Variants in PDE4D observed in about 807,000 individuals in gnomAD.
The protein encoded by PDE4D is 3',5'-cyclic-AMP phosphodiesterase 4D.
PDE4D carries 24 observed loss-of-function variants against 87.4 expected under a neutral mutation model. That is an observed-to-expected ratio of 0.27 (90% CI 0.20 to 0.39). The LOEUF is 0.39. Ranked by LOEUF, PDE4D falls within the 10% of genes least tolerant of loss-of-function variation. The pLI, the probability that PDE4D is intolerant of heterozygous loss-of-function variation, is 1.00. For missense variants in PDE4D, 714 were observed against 1,041.0 expected (o/e 0.69, Z 4.32); for synonymous variants, 384 against 383.2 (o/e 1.00, Z -0.02).
intron 6 of PDE4D, chr5:58,999,993 T>C (rs1750153120): frequency 2.6e-6 from 2 of 781,502 alleles, no homozygotes; most frequent in South Asian, 5.8e-5. Context: ...TCTGCACCAA[T>C]TGCATTCCAG....
At chr5:59,320,270 G>A (rs1008849612) in intron 1 of PDE4D, among the ~76,000 whole-genome samples, 1 of 152,068 alleles carries the variant, frequency 6.6e-6, no homozygotes, top group African/African-American at 2.4e-5. Flanking sequence ...CAGCCTAAAT[G>A]AACAGTAAAA....
At chr5:59,748,369 C>T (rs1227711013) in intron 1 of PDE4D, among the ~76,000 whole-genome samples, 1 of 152,102 alleles carries the variant, frequency 6.6e-6, no homozygotes, top group Non-Finnish European at 1.5e-5. Flanking sequence ...TATTGCAGCA[C>T]TATTCACAAT....
intron 2 of PDE4D, among the ~76,000 whole-genome samples, chr5:60,110,055 G>T (rs1458224720): frequency 6.6e-6 from 1 of 151,942 alleles, no homozygotes; most frequent in African/African-American, 2.4e-5. Flanking sequence ...TGGTTGGGTG[G>T]TTGCTTTTCT....
intron 5 of PDE4D, among the ~76,000 whole-genome samples, chr5:59,141,670 A>C (rs568757705): frequency 2.6e-5 from 4 of 152,266 alleles, no homozygotes; most frequent in African/African-American, 9.6e-5. Context: ...TGCTAAATGA[A>C]ATTTTTTAAA....
At chr5:60,130,387 G>A (rs1779463233) in intron 2 of PDE4D, among the ~76,000 whole-genome samples, 1 of 152,276 alleles carries the variant, frequency 6.6e-6, no homozygotes, top group East Asian at 1.9e-4. Flanking sequence ...CAAGTTCAAA[G>A]GACATATTTT....
chr5:59,805,657 G>T (rs749950002), intron 1 of PDE4D, among the ~76,000 whole-genome samples: 1 of 152,302 alleles, frequency 6.6e-6, no homozygotes, highest in East Asian at 1.9e-4. Context: ...CTGGAGACAG[G>T]CAATGGCACA....
intron 1 of PDE4D, among the ~76,000 whole-genome samples, chr5:59,493,355 T>C (rs1332673597): frequency 2.0e-5 from 3 of 152,172 alleles, no homozygotes; most frequent in African/African-American, 7.2e-5. Flanking sequence ...TATACGTAAA[T>C]GCCTTGCAAT....
At chr5:59,881,166 T>G (rs1009384246) in intron 1 of PDE4D, among the ~76,000 whole-genome samples, 4 of 152,204 alleles carry the variant, frequency 2.6e-5, no homozygotes, top group African/African-American at 9.6e-5. Context: ...CTTAATGTCA[T>G]GCAGAACTAC....
chr5:60,124,189 T>C (rs949222740), intron 2 of PDE4D, among the ~76,000 whole-genome samples: 10 of 152,198 alleles, frequency 6.6e-5, no homozygotes, highest in African/African-American at 2.2e-4. Flanking sequence ...TTTTATTTAA[T>C]ACTATGACAA....
intron 5 of PDE4D, among the ~76,000 whole-genome samples, chr5:59,043,202 G>A (rs2153397675): frequency 6.6e-6 from 1 of 152,210 alleles, no homozygotes; most frequent in East Asian, 1.9e-4. Flanking sequence ...CTATTTGTAT[G>A]CCCTTAATTT....
chr5:60,311,093 C>T (rs140170865), intron 1 of PDE4D, among the ~76,000 whole-genome samples: 130 of 151,780 alleles, frequency 8.6e-4, no homozygotes, highest in African/African-American at 2.9e-3. Flanking sequence ...TCTCAGCTCA[C>T]CACAGTCTTC....
At chr5:60,292,424 A>T (rs528957224) in intron 1 of PDE4D, among the ~76,000 whole-genome samples, 3 of 152,332 alleles carry the variant, frequency 2.0e-5, no homozygotes, top group Non-Finnish European at 4.4e-5. Context: ...TGCGAAATAC[A>T]TATTGTTCTT....
chr5:59,681,955 T>C (rs1488901043), intron 1 of PDE4D, among the ~76,000 whole-genome samples: 1 of 150,094 alleles, frequency 6.7e-6, no homozygotes, highest in Non-Finnish European at 1.5e-5. Flanking sequence ...TTCTTGCCCA[T>C]GTGATACCTT....
intron 1 of PDE4D, among the ~76,000 whole-genome samples, chr5:59,508,959 GTCTT>G (rs1401860232): frequency 7.2e-5 from 11 of 151,954 alleles, no homozygotes; most frequent in African/African-American, 2.7e-4. Flanking sequence ...GCCAACATAA[GTCTT>G]ACTAGGGTTG....
intron 3 of PDE4D, among the ~76,000 whole-genome samples, chr5:59,926,565 A>T (rs1042695077): frequency 2.0e-5 from 3 of 152,170 alleles, no homozygotes; most frequent in Admixed American, 6.5e-5. Context: ...TCAGTGAAAT[A>T]AAAAGTTGAT....
chr5:60,338,997 T>A (rs1245342708), intron 1 of PDE4D, among the ~76,000 whole-genome samples: 1 of 152,156 alleles, frequency 6.6e-6, no homozygotes, highest in African/African-American at 2.4e-5. Context: ...TCTGTTTATG[T>A]CTTCCGCCCA....
chr5:59,631,442 A>G (rs1055522687), intron 1 of PDE4D, among the ~76,000 whole-genome samples: 1 of 152,118 alleles, frequency 6.6e-6, no homozygotes, highest in Non-Finnish European at 1.5e-5. Flanking sequence ...TTATTTTTCA[A>G]TTGTAAGAGA....
rs568620680 is a variant in PDE4D at position 59,414,106 on chromosome 5, C to T, written c.456-198138G>A. Among the ~76,000 whole-genome samples the T allele has an allele frequency of 3.3e-5, 5 of 152,318 alleles. No individual in the cohort carries two copies. The South Asian group carries it at 1.0e-3, about 32-fold the overall frequency. ...TTTAGAAGCTACATGATTACATATC[C>T]TATGACTGTACTGAAAGTAACAGAG... On this transcript the variant is annotated intron_variant, in intron 1 of 14. Coordinates refer to ENST00000340635, the MANE Select transcript of PDE4D (RefSeq NM_001104631.2).
chr5:59,834,302 C>G (rs927642963), intron 1 of PDE4D, among the ~76,000 whole-genome samples: 1 of 151,992 alleles, frequency 6.6e-6, no homozygotes, highest in Non-Finnish European at 1.5e-5. Context: ...TCTTACCCAT[C>G]GAAAGAGTGA....
Sources: gnomAD v4.1 joint callset for allele counts (sites outside exome capture counted in the v4.1 genomes callset) on GRCh38, gnomAD v4.1.1 for gene constraint, MANE v1.5 for transcripts, NCBI Gene and HGNC (gene_info 2026-07-23, HGNC 2026-07-21) for gene names.